Variants in MAF observed in about 807,000 individuals in gnomAD.
MAF encodes transcription factor Maf.
In MAF, 10 loss-of-function variants were observed where a neutral mutation model predicts 22.0. That is an observed-to-expected ratio of 0.45 (90% CI 0.28 to 0.77). MAF has a LOEUF of 0.77. MAF is among the 30% of genes least tolerant of loss of function. The pLI is 0.12. For missense variants in MAF, 544 were observed against 548.4 expected (o/e 0.99, Z 0.08); for synonymous variants, 337 against 255.8 (o/e 1.32, Z -3.03).
downstream of MAF, among the ~76,000 whole-genome samples, chr16:79,592,129 C>T (rs1207947249): frequency 5.9e-5 from 9 of 152,224 alleles, no homozygotes; most frequent in African/African-American, 2.2e-4. Context: ...CATTTCTCAC[C>T]TCCTACAAAT....
chr16:79,475,473 T>C, the MAF span, among the ~76,000 whole-genome samples: 1 of 152,014 alleles, frequency 6.6e-6, no homozygotes, highest in African/African-American at 2.4e-5. Context: ...CAAATATCCA[T>C]GTACACTTTA....
At chr16:79,565,393 G>C in the MAF span, among the ~76,000 whole-genome samples, 5 of 152,242 alleles carry the variant, frequency 3.3e-5, no homozygotes, top group South Asian at 1.0e-3. Context: ...TGCTGACCTG[G>C]GACTATGATA....
chr16:79,262,288 C>T, the MAF span, among the ~76,000 whole-genome samples: 3 of 152,134 alleles, frequency 2.0e-5, no homozygotes, highest in Admixed American at 6.6e-5. Context: ...TGGGCTCTTT[C>T]GAATTCTAAA....
chr16:79,259,338 C>A, the MAF span, among the ~76,000 whole-genome samples: 3 of 152,210 alleles, frequency 2.0e-5, no homozygotes, highest in East Asian at 5.8e-4. Context: ...CACCAGCCAC[C>A]ACTCTGCAGG....
chr16:79,249,435 AAAG>A, the MAF span, among the ~76,000 whole-genome samples: 6 of 149,002 alleles, frequency 4.0e-5, no homozygotes, highest in African/African-American at 1.5e-4. Context: ...AAAAAAAAAA[AAAG>A]GAGGTTGAAG....
At chr16:79,440,865 G>T in the MAF span, among the ~76,000 whole-genome samples, 2 of 152,196 alleles carry the variant, frequency 1.3e-5, no homozygotes, top group Non-Finnish European at 2.9e-5. Context: ...TCTGGAGTGG[G>T]AGAGACAGGA....
At chr16:79,353,104 A>G in the MAF span, among the ~76,000 whole-genome samples, 1 of 151,390 alleles carries the variant, frequency 6.6e-6, no homozygotes, top group Non-Finnish European at 1.5e-5. Flanking sequence ...AAATTTATAA[A>G]TGATGCAAAC....
the MAF span, among the ~76,000 whole-genome samples, chr16:79,398,765 T>A: frequency 6.6e-6 from 1 of 152,182 alleles, no homozygotes; most frequent in South Asian, 2.1e-4. Context: ...TAGGCCCCTC[T>A]GTCTGGCATT....
the MAF span, among the ~76,000 whole-genome samples, chr16:79,461,004 A>G: frequency 1.3e-5 from 2 of 152,254 alleles, no homozygotes. Context: ...ACTTATAGGC[A>G]CATGGCAGAA....
the MAF span, among the ~76,000 whole-genome samples, chr16:79,327,567 T>G: frequency 6.6e-6 from 1 of 152,172 alleles, no homozygotes. Context: ...TTGCTATAGG[T>G]GAGTCAGCTC....
At chr16:79,335,185 A>G in the MAF span, among the ~76,000 whole-genome samples, 1 of 131,416 alleles carries the variant, frequency 7.6e-6, no homozygotes, top group African/African-American at 3.3e-5. Context: ...CTCCATCTCA[A>G]AAAAAAAAAA....
chr16:79,509,146 T>G, the MAF span, among the ~76,000 whole-genome samples: 82 of 152,334 alleles, frequency 5.4e-4, no homozygotes, highest in African/African-American at 1.8e-3. Flanking sequence ...CTGCTGAAGT[T>G]ACTTGACTTT....
chr16:79,487,303 T>C, the MAF span, among the ~76,000 whole-genome samples: 3 of 152,068 alleles, frequency 2.0e-5, no homozygotes, highest in Non-Finnish European at 4.4e-5. Context: ...GTAGTGGTTT[T>C]TTAAGGGAGG....
the MAF span, among the ~76,000 whole-genome samples, chr16:79,400,097 G>T: frequency 1.3e-5 from 2 of 152,118 alleles, no homozygotes; most frequent in Admixed American, 6.5e-5. Context: ...GACATTTTTG[G>T]TTGCTCCAGG....
chr16:79,524,309 A>G, the MAF span, among the ~76,000 whole-genome samples: 1 of 152,180 alleles, frequency 6.6e-6, no homozygotes, highest in Non-Finnish European at 1.5e-5. Flanking sequence ...TGCCTGCTCC[A>G]CTGTGACCCA....
the MAF span, among the ~76,000 whole-genome samples, chr16:79,401,112 G>A: frequency 2.6e-5 from 4 of 152,170 alleles, no homozygotes; most frequent in African/African-American, 9.7e-5. Flanking sequence ...ATCTCCCAAG[G>A]CCCTGCTTCA....
the MAF span, among the ~76,000 whole-genome samples, chr16:79,338,481 T>C: frequency 6.6e-6 from 1 of 152,238 alleles, no homozygotes; most frequent in Admixed American, 6.5e-5. Flanking sequence ...AGCAACAATC[T>C]ACTATGCTTT....
chr16:79,503,550 T>C, the MAF span, among the ~76,000 whole-genome samples: 17 of 152,234 alleles, frequency 1.1e-4, no homozygotes, highest in Non-Finnish European at 2.4e-4. Context: ...ATGATCATAC[T>C]GCCTTCTTTT....
chr16:79,521,105 T>C, the MAF span, among the ~76,000 whole-genome samples: 3 of 152,222 alleles, frequency 2.0e-5, no homozygotes, highest in African/African-American at 7.2e-5. Flanking sequence ...AAAGCAAGAA[T>C]GCATCGAAAG....
Sources: gnomAD v4.1 joint callset for allele counts (sites outside exome capture counted in the v4.1 genomes callset) on GRCh38, gnomAD v4.1.1 for gene constraint, MANE v1.5 for transcripts, NCBI Gene and HGNC (gene_info 2026-07-23, HGNC 2026-07-21) for gene names.